GTF2A1: variants seen among roughly 807,000 people sequenced by gnomAD.
The protein encoded by GTF2A1 is transcription initiation factor IIA subunit 1.
A neutral mutation model predicts 54.1 loss-of-function variants in GTF2A1; 12 were observed. The observed-to-expected ratio is 0.22, with a 90% CI of 0.14 to 0.36. GTF2A1 has a LOEUF of 0.36. Among genes scored for constraint, GTF2A1 ranks in the 10% least tolerant of loss-of-function variants. The pLI is 1.00. For missense variants in GTF2A1, 335 were observed against 442.2 expected, an observed-to-expected ratio of 0.76 and a Z score of 2.17; for synonymous variants, 145 against 152.0, an observed-to-expected ratio of 0.95 and a Z score of 0.34.
intron 8 of GTF2A1, among the ~76,000 whole-genome samples, chr14:81,184,339 G>A (rs1892697124): frequency 6.6e-6 from 1 of 152,060 alleles, no homozygotes; most frequent in East Asian, 1.9e-4. Context: ...AAGATTTAAT[G>A]GTATCTTTTG....
chr14:81,210,210 A>G (rs896109000), intron 2 of GTF2A1, among the ~76,000 whole-genome samples: 2 of 152,216 alleles, frequency 1.3e-5, no homozygotes, highest in African/African-American at 2.4e-5. Flanking sequence ...TACTGGTTCT[A>G]GGTAATGTAA....
chr14:81,216,892 T>C (rs1481322013), intron 1 of GTF2A1, among the ~76,000 whole-genome samples: 2 of 152,226 alleles, frequency 1.3e-5, no homozygotes, highest in Non-Finnish European at 2.9e-5. Context: ...CTCACCACTG[T>C]ATCTTAGACT....
chr14:81,184,907 C>G (rs1595207553), intron 8 of GTF2A1, among the ~76,000 whole-genome samples: 1 of 152,040 alleles, frequency 6.6e-6, no homozygotes, highest in South Asian at 2.1e-4. Flanking sequence ...AAACAAAAAT[C>G]TCAGAAATAA....
intron 4 of GTF2A1, among the ~76,000 whole-genome samples, chr14:81,198,027 C>T (rs1893027137): frequency 1.3e-5 from 2 of 152,158 alleles, no homozygotes; most frequent in Non-Finnish European, 2.9e-5. Flanking sequence ...GAAGACTTCA[C>T]TGGGAGTACA....
At chr14:81,214,274 A>G (rs1893436915) in intron 2 of GTF2A1, among the ~76,000 whole-genome samples, 1 of 152,172 alleles carries the variant, frequency 6.6e-6, no homozygotes. Flanking sequence ...TTATTTGTAC[A>G]TAGATTTAAA....
At chr14:81,217,265 G>A (rs1893506979) in intron 1 of GTF2A1, among the ~76,000 whole-genome samples, 1 of 152,228 alleles carries the variant, frequency 6.6e-6, no homozygotes. Context: ...TGAGTAAAAT[G>A]AGAATAGATG....
In GTF2A1 at chr14:81,203,910, T is replaced by C. The variant is rs369829902; in HGVS notation, c.327A>G (p.Ala109=). ...QAQTQQVLIP[A]SQQATAPQVI... ...CAAGTCCAGTCTCACCTTGCTGTGA[T>C]GCAGGAATAAGAACCTGCTGGGTCT... Residue 109 remains alanine (A), a synonymous_variant, in exon 3 of 9, where the codon GCA becomes GCG. Coordinates refer to ENST00000553612, the MANE Select transcript of GTF2A1 (RefSeq NM_015859.4). The C allele has an allele frequency of 1.9e-6, 3 of 1,612,214 alleles. No individual in the cohort carries two copies. Among genetic ancestry groups the C allele is most frequent in the Middle Eastern group, 1.7e-4 (1 of 6,060 alleles).
chr14:81,184,078 T>C (rs1892690825), intron 8 of GTF2A1, among the ~76,000 whole-genome samples: 1 of 152,210 alleles, frequency 6.6e-6, no homozygotes, highest in African/African-American at 2.4e-5. Flanking sequence ...TCCCACTTAC[T>C]AATTTAAAAC....
chr14:81,215,245 A>T (rs1354672523), intron 2 of GTF2A1, among the ~76,000 whole-genome samples: 1 of 152,226 alleles, frequency 6.6e-6, no homozygotes, highest in African/African-American at 2.4e-5. Flanking sequence ...CAGAAATGAG[A>T]AGTATACATA....
At chr14:81,189,380 T>C (rs547280527) in intron 7 of GTF2A1, among the ~76,000 whole-genome samples, 2 of 152,144 alleles carry the variant, frequency 1.3e-5, no homozygotes, top group South Asian at 4.1e-4. Flanking sequence ...TAGTAAAAAA[T>C]GGATCAAGTG....
intron 2 of GTF2A1, chr14:81,209,888 T>TCTA: frequency 7.8e-7 from 1 of 1,274,550 alleles, no homozygotes; most frequent in Non-Finnish European, 1.0e-6. Flanking sequence ...GTCTACCATT[T>TCTA]CTACCAAAGT....
At chr14:81,196,392 T>G in intron 5 of GTF2A1, 151 bp from the exon 6 acceptor site, 1 of 721,328 alleles carries the variant, frequency 1.4e-6, no homozygotes, top group Non-Finnish European at 2.3e-6. Flanking sequence ...ATACACAGTA[T>G]GCATAATCCT....
At chr14:81,216,058 C>G (rs1893482107) in intron 2 of GTF2A1, among the ~76,000 whole-genome samples, 1 of 152,254 alleles carries the variant, frequency 6.6e-6, no homozygotes. Flanking sequence ...CAAAATTCTT[C>G]CAGACATGTC....
chr14:81,212,481 G>A (rs149452749), intron 2 of GTF2A1, among the ~76,000 whole-genome samples: 443 of 152,294 alleles, frequency 2.9e-3, no homozygotes, highest in Non-Finnish European at 4.8e-3. Context: ...CAAAGATTGG[G>A]TTGAAATATT....
At chr14:81,192,377 A>T (rs1489136333) in intron 7 of GTF2A1, 142 bp downstream of exon 7, 12 of 641,972 alleles carry the variant, frequency 1.9e-5, no homozygotes, top group Admixed American at 1.1e-4. Flanking sequence ...AAGTTAAAAC[A>T]ATCTAACTTT....
chr14:81,209,096 C>T (rs1893305374), intron 2 of GTF2A1, among the ~76,000 whole-genome samples: 1 of 152,086 alleles, frequency 6.6e-6, no homozygotes, highest in South Asian at 2.1e-4. Context: ...TTTGGAGGGC[C>T]AGAGACAGAA....
chr14:81,192,881 G>A (rs1487639060), intron 6 of GTF2A1, 42 bp from the exon 7 acceptor site: 3 of 1,079,182 alleles, frequency 2.8e-6, no homozygotes, highest in African/African-American at 1.6e-5. Flanking sequence ...TAGTTAAGAG[G>A]ATCAAGTATG....
chr14:81,202,630 C>T (rs542485747), intron 3 of GTF2A1: 6 of 511,744 alleles, frequency 1.2e-5, no homozygotes, highest in East Asian at 5.5e-5. Flanking sequence ...AGTGGTAAAC[C>T]GGCAAAAGTC....
At chr14:81,220,162 C>G (rs928100240) in intron 1 of GTF2A1, among the ~76,000 whole-genome samples, 15 of 150,222 alleles carry the variant, frequency 1.0e-4, no homozygotes, top group Admixed American at 5.3e-4. Context: ...GCTCCCCTCC[C>G]GCCCTCCCTC....
Sources: gnomAD v4.1 joint callset for allele counts (sites outside exome capture counted in the v4.1 genomes callset) on GRCh38, gnomAD v4.1.1 for gene constraint, MANE v1.5 for transcripts, NCBI Gene and HGNC (gene_info 2026-07-23, HGNC 2026-07-21) for gene names.